SMOC1: variants seen among roughly 807,000 people sequenced by gnomAD.
SMOC1 encodes the protein SPARC-related modular calcium-binding protein 1.
A neutral mutation model predicts 56.3 loss-of-function variants in SMOC1; 22 were observed. The observed-to-expected ratio is 0.39, with a 90% CI of 0.28 to 0.56. SMOC1 has a LOEUF of 0.56. Ranked by LOEUF, SMOC1 falls within the 20% of genes least tolerant of loss-of-function variation. The pLI is 0.61. For missense variants in SMOC1, 509 were observed against 565.4 expected (o/e 0.90, Z 1.01); for synonymous variants, 193 against 215.0 (o/e 0.90, Z 0.89).
intron 5 of SMOC1, among the ~76,000 whole-genome samples, chr14:69,979,494 T>C (rs1884096929): frequency 6.6e-6 from 1 of 151,994 alleles, no homozygotes; most frequent in Admixed American, 6.6e-5. Context: ...GGTGGGAAAG[T>C]GGGGAGAGAA....
At chr14:69,931,424 GTATA>G (rs1208805937) in intron 1 of SMOC1, among the ~76,000 whole-genome samples, 2 of 152,354 alleles carry the variant, frequency 1.3e-5, no homozygotes, top group African/African-American at 4.8e-5. Flanking sequence ...GGCGGGCAGT[GTATA>G]GCTCTTCCTT....
In SMOC1 at chr14:69,978,121, C is replaced by T. The variant is rs3742910; in HGVS notation, c.526+156C>T. ...TTCCATGTTTCCTCTCTGAAGCACC[C>T]GAGGTAAGTAAGGCTCATACAGTGA... On this transcript the variant is annotated intron_variant, in intron 5 of 11. Transcript: ENST00000361956. 6.1e-4 allele frequency: 436 copies of T among 718,178 alleles called. 3 individuals are homozygous for T. The East Asian group carries it at 9.6e-3, about 16-fold the overall frequency. The allele number at this position is 718,178 out of a possible 1,614,324, so 44.5% of individuals were successfully genotyped here.
At chr14:69,929,714 C>CG (rs750915017) in intron 1 of SMOC1, among the ~76,000 whole-genome samples, 2 of 152,042 alleles carry the variant, frequency 1.3e-5, no homozygotes, top group Non-Finnish European at 2.9e-5. Context: ...TATGATCTCC[C>CG]GGGGGAAAAG....
At chr14:70,016,877 G>A (rs1304396630) in intron 10 of SMOC1, among the ~76,000 whole-genome samples, 1 of 152,190 alleles carries the variant, frequency 6.6e-6, no homozygotes, top group Admixed American at 6.5e-5. Flanking sequence ...ATCTGTAGGA[G>A]CTGCCTGTTC....
intron 1 of SMOC1, among the ~76,000 whole-genome samples, chr14:69,884,912 C>T (rs567048122): frequency 5.3e-5 from 8 of 152,138 alleles, no homozygotes; most frequent in African/African-American, 1.9e-4. Context: ...TTTGGCTATT[C>T]AGGGTCTTTT....
intron 1 of SMOC1, among the ~76,000 whole-genome samples, chr14:69,916,938 A>T: frequency 6.6e-6 from 1 of 152,270 alleles, no homozygotes; most frequent in South Asian, 2.1e-4. Flanking sequence ...CCTGAGATTT[A>T]GAACATGCTG....
chr14:69,959,782 A>G (rs767993088), intron 3 of SMOC1, among the ~76,000 whole-genome samples: 7 of 151,708 alleles, frequency 4.6e-5, no homozygotes, highest in Non-Finnish European at 8.8e-5. Context: ...TTTGTTCTGA[A>G]GTTGGAAGCT....
rs1315710105 is a variant in SMOC1, at chr14:70,032,260, CCA to C, written c.*2005_*2006del. The C allele has an allele frequency of 6.6e-6, 1 of 152,274 alleles. No individual in the cohort carries two copies. Among genetic ancestry groups the C allele is most frequent in the Non-Finnish European group, 1.5e-5 (1 of 68,060 alleles). 9.4% of individuals were successfully genotyped at this position (152,274 alleles called of 1,614,324 possible). On this transcript the variant is annotated 3_prime_UTR_variant, in exon 12 of 12. Transcript: ENST00000361956. ...GAGATCTCCCCAGGCATCTTGTCTC[CCA>C]CAGGATCGTGTGTGTAGGTGGTGTT...
At position 69,952,250 on chromosome 14, in the gene SMOC1, G is replaced by A. The variant is rs376548937; in HGVS notation, c.212G>A (p.Arg71Gln). The A allele has an allele frequency of 4.3e-6, 7 of 1,614,014 alleles. No homozygotes were observed. The highest frequency in any genetic ancestry group is 4.0e-5 in the African/African-American group (3 of 74,896). ...TACGAGTCCATGTGTGAGTACCAGCGAGCCAAGTGCCGAGACCCGACCCTG... is the reference window on the plus strand; with the variant it reads ...TACGAGTCCATGTGTGAGTACCAGCAAGCCAAGTGCCGAGACCCGACCCTG... Reference protein sequence around the residue: ...RSYESMCEYQRAKCRDPTLGV... With the variant: ...RSYESMCEYQQAKCRDPTLGV... Residue 71 changes from arginine to glutamine, a missense_variant, in exon 2 of 12, where the codon CGA becomes CAA. This residue lies in a region of SMOC1 where 315 missense variants were observed against 333.1 expected (regional missense o/e 0.95). Transcript: ENST00000361956.
At chr14:69,967,316 A>G (rs1168220838) in intron 3 of SMOC1, among the ~76,000 whole-genome samples, 1 of 152,274 alleles carries the variant, frequency 6.6e-6, no homozygotes, top group Non-Finnish European at 1.5e-5. Context: ...AGTGGGAGAC[A>G]ATGTCTACAG....
chr14:69,879,817 G>A, intron 1 of SMOC1, 40 bp downstream of exon 1: 1 of 1,525,434 alleles, frequency 6.6e-7, no homozygotes. Context: ...TGCGGAGGGA[G>A]GGGAGGTTGC....
chr14:69,952,109 C>A, intron 1 of SMOC1, 29 bp from the exon 2 acceptor site: 1 of 1,613,864 alleles, frequency 6.2e-7, no homozygotes, highest in Non-Finnish European at 8.5e-7. Flanking sequence ...AAAGTAACCT[C>A]TGTACCCTTT....
At chr14:69,974,009 G>A (rs906139914) in intron 3 of SMOC1, among the ~76,000 whole-genome samples, 1 of 152,172 alleles carries the variant, frequency 6.6e-6, no homozygotes, top group African/African-American at 2.4e-5. Flanking sequence ...TAATGTAGTG[G>A]GGTTGTTTAA....
intron 3 of SMOC1, among the ~76,000 whole-genome samples, chr14:69,961,270 GTGTATATATATATATATATATA>G (rs1269199733): frequency 0.074 from 4,408 of 59,680 alleles, 148 homozygotes; most frequent in Middle Eastern, 0.11. Flanking sequence ...ATATTCTATT[GTGTATATATATATATATATATA>G]TATATATATA....
rs946715330 is a variant in SMOC1 at position 69,918,442 on chromosome 14, G to T, written c.100-33696G>T. On this transcript the variant is annotated intron_variant, in intron 1 of 11. Transcript: ENST00000361956. ...AGGGTTTCACCATGTTGCCCAGGCT[G>T]GTCTTGAACTCCTGAATTCAAGCAA... is the stretch of plus-strand genomic sequence containing the variant. Among the ~76,000 whole-genome samples the T allele has an allele frequency of 1.5e-4, 23 of 152,226 alleles. No homozygotes were observed. In the East Asian group the frequency reaches 4.1e-3, roughly 27 times the overall value.
chr14:69,970,642 G>A (rs1883727676), intron 3 of SMOC1, among the ~76,000 whole-genome samples: 1 of 152,190 alleles, frequency 6.6e-6, no homozygotes, highest in South Asian at 2.1e-4. Flanking sequence ...GTTGGACATG[G>A]CACCTGCGGG....
At chr14:69,975,923 C>A in intron 4 of SMOC1, 109 bp downstream of exon 4, 2 of 763,446 alleles carry the variant, frequency 2.6e-6, no homozygotes, top group Non-Finnish European at 4.6e-6. Flanking sequence ...GGTGATGAAC[C>A]TTTTTCTAGA....
chr14:69,923,632 A>G (rs1265543601), intron 1 of SMOC1, among the ~76,000 whole-genome samples: 1 of 152,154 alleles, frequency 6.6e-6, no homozygotes, highest in African/African-American at 2.4e-5. Flanking sequence ...CTTTAGATCC[A>G]TACCCTGGTG....
chr14:69,979,325 T>C (rs951365395), intron 5 of SMOC1, among the ~76,000 whole-genome samples: 1 of 152,148 alleles, frequency 6.6e-6, no homozygotes, highest in Non-Finnish European at 1.5e-5. Flanking sequence ...GAACAGGTGA[T>C]ACCACCACCC....
Sources: allele counts gnomAD v4.1 joint callset (sites outside exome capture counted in the v4.1 genomes callset), GRCh38; gene constraint gnomAD v4.1.1; regional missense constraint gnomAD v4.1.1; transcripts MANE v1.5; gene names NCBI Gene and HGNC (gene_info 2026-07-23, HGNC 2026-07-21).